The following GUCY1B1 variants were observed in gnomAD, a reference collection of about 807,000 sequenced individuals.
GUCY1B1 encodes the protein guanylate cyclase 1 soluble subunit beta 1.
In GUCY1B1, 43 loss-of-function variants were observed where a neutral mutation model predicts 71.0. The ratio of observed to expected loss-of-function variants is 0.61; its 90% CI spans 0.47 to 0.78. The LOEUF is 0.78. Ranked by LOEUF, GUCY1B1 falls within the 30% of genes least tolerant of loss-of-function variation. The probability of loss-of-function intolerance (pLI) is 0.00; values close to 1 mark genes in which losing one functional copy is unlikely to be tolerated. For synonymous variants in GUCY1B1, 266 were observed against 259.7 expected (o/e 1.02, Z -0.23); for missense variants, 535 against 754.1 (o/e 0.71, Z 3.40).
intron 5 of GUCY1B1, among the ~76,000 whole-genome samples, chr4:155,790,928 C>T (rs931908167): frequency 1.3e-5 from 2 of 152,092 alleles, no homozygotes; most frequent in Non-Finnish European, 2.9e-5. Flanking sequence ...TAGTTTTCTA[C>T]AACCATTAGT....
chr4:155,760,176 C>G (rs1156322705), intron 2 of GUCY1B1, among the ~76,000 whole-genome samples: 1 of 152,140 alleles, frequency 6.6e-6, no homozygotes, highest in Non-Finnish European at 1.5e-5. Flanking sequence ...GGCCGGGCAG[C>G]TCCCACGCGT....
chr4:155,761,595 A>G (rs1183116812), intron 2 of GUCY1B1, among the ~76,000 whole-genome samples: 1 of 152,246 alleles, frequency 6.6e-6, no homozygotes, highest in Non-Finnish European at 1.5e-5. Context: ...GTAATGTATC[A>G]GACATTTTAA....
Position 155,759,870 on chromosome 4 carries a change from C to T in GUCY1B1, c.77+10C>T, listed in dbSNP as rs1736847418. 1.2e-6 allele frequency: 2 copies of T among 1,606,172 alleles called. No individual in the cohort carries two copies. The highest frequency in any genetic ancestry group is 2.7e-5 in the African/African-American group (2 of 74,722). Reference sequence around the variant, plus strand: ...TGTGGGAAGACATCAAGTAAGTGGCCGGCTACCCTGGCTGTGGCCCAGGTC... The same window carrying T: ...TGTGGGAAGACATCAAGTAAGTGGCTGGCTACCCTGGCTGTGGCCCAGGTC... On this transcript the variant is annotated intron_variant, in intron 2 of 13. Transcript: ENST00000264424.
intron 6 of GUCY1B1, 77 bp from the exon 7 acceptor site, chr4:155,795,264 T>C: frequency 1.4e-6 from 1 of 689,888 alleles, no homozygotes; most frequent in Non-Finnish European, 2.5e-6. Context: ...TGAGCTGATT[T>C]AATCAAGCGA....
At chr4:155,800,100 AC>A (rs751680775) in intron 9 of GUCY1B1, 26 bp downstream of exon 9, 1 of 1,481,560 alleles carries the variant, frequency 6.7e-7, no homozygotes, top group Non-Finnish European at 9.3e-7. Context: ...TTGGAGCACT[AC>A]TGTTATTCAT....
chr4:155,804,954 T>C, intron 12 of GUCY1B1, 149 bp from the exon 13 acceptor site: 1 of 764,108 alleles, frequency 1.3e-6, no homozygotes, highest in African/African-American at 1.8e-5. Context: ...GAAATCCTGA[T>C]ATGATCATTG....
intron 2 of GUCY1B1, among the ~76,000 whole-genome samples, chr4:155,771,938 C>T (rs1283697821): frequency 6.6e-6 from 1 of 152,106 alleles, no homozygotes; most frequent in Non-Finnish European, 1.5e-5. Flanking sequence ...TATATTCAAG[C>T]ATGAACAACT....
At chr4:155,804,835 TAACA>T in intron 12 of GUCY1B1, 88 bp downstream of exon 12, 1 of 1,196,804 alleles carries the variant, frequency 8.4e-7, no homozygotes, top group South Asian at 1.4e-5. Context: ...TTTGTTGCTT[TAACA>T]GAGTTATCAC....
intron 11 of GUCY1B1, among the ~76,000 whole-genome samples, chr4:155,804,104 A>C (rs957642259): frequency 4.1e-4 from 62 of 152,248 alleles, no homozygotes; most frequent in Admixed American, 3.7e-3. Flanking sequence ...GTTTCTCTTG[A>C]GATAGGATAT....
intron 1 of GUCY1B1, 73 bp from the exon 2 acceptor site, chr4:155,759,714 A>T: frequency 9.4e-7 from 1 of 1,066,278 alleles, no homozygotes; most frequent in African/African-American, 1.6e-5. Context: ...GAGCAGAGGC[A>T]GCAGCCTCGC....
At position 155,802,096 on chromosome 4, in the gene GUCY1B1, T is replaced by G; in HGVS notation, c.1176-246T>G. The G allele has an allele frequency of 1.4e-6, 1 of 738,938 alleles. No homozygotes were observed. Among genetic ancestry groups the G allele is most frequent in the Non-Finnish European group, 2.1e-6 (1 of 470,030 alleles). 45.8% of individuals were successfully genotyped at this position (738,938 alleles called of 1,614,324 possible). A position where few individuals can be genotyped will look rare whatever the true frequency, so the allele number is the denominator to read the frequency against. The stretch of plus-strand genomic sequence containing the variant: ...TGTCTGTTTGCTTGGCTTATTTTGA[T>G]TTGGTTTGAACTAGTTTGGGCTTGC... On this transcript the variant is annotated intron_variant, in intron 9 of 13. Coordinates refer to ENST00000264424, the MANE Select transcript of GUCY1B1 (RefSeq NM_000857.5). This position sits in a 1 kb window ranked among gnomAD's most constrained non-coding sequence, Gnocchi z 4.3.
At chr4:155,775,842 G>C in intron 3 of GUCY1B1, among the ~76,000 whole-genome samples, 1 of 141,470 alleles carries the variant, frequency 7.1e-6, no homozygotes, top group African/African-American at 3.2e-5. Context: ...TCATGGAGAA[G>C]AAGTTGTTCT....
Position 155,806,771 on chromosome 4 carries a change from G to A in GUCY1B1, c.*362G>A, listed in dbSNP as rs1304319634. 1 of 208,578 alleles carries A rather than the reference G, an allele frequency of 4.8e-6. No individual in the cohort carries two copies. The highest frequency in any genetic ancestry group is 1.1e-4 in the East Asian group (1 of 9,262). 12.9% of individuals were successfully genotyped at this position (208,578 alleles called of 1,614,324 possible). A position where few individuals can be genotyped will look rare whatever the true frequency, so the allele number is the denominator to read the frequency against. On this transcript the variant is annotated 3_prime_UTR_variant, in exon 14 of 14. Transcript: ENST00000264424. ...GAAACTGAACAGTGTTTGGCCATGT[G>A]TATATTTATATCATGTTTACCAAAT...
intron 4 of GUCY1B1, among the ~76,000 whole-genome samples, chr4:155,778,328 A>G (rs1738194818): frequency 6.6e-6 from 1 of 152,210 alleles, no homozygotes; most frequent in Non-Finnish European, 1.5e-5. Context: ...TTCTGGATTG[A>G]CTATACTATT....
chr4:155,789,587 T>C (rs1436316181), intron 4 of GUCY1B1, 127 bp from the exon 5 acceptor site: 8 of 567,860 alleles, frequency 1.4e-5, no homozygotes, highest in Non-Finnish European at 2.5e-5. Context: ...AAGGATGTGC[T>C]ACATGTGCTG....
At chr4:155,805,967 T>G (rs1396482571) in intron 13 of GUCY1B1, among the ~76,000 whole-genome samples, 1 of 152,142 alleles carries the variant, frequency 6.6e-6, no homozygotes, top group Non-Finnish European at 1.5e-5. Context: ...AGTTTGATAC[T>G]TTGTTACCCT....
chr4:155,803,676 G>A lies in GUCY1B1; in HGVS notation c.1466G>A (p.Cys489Tyr), dbSNP rs773831619. The change falls in exon 11 of 14, where the codon TGC becomes TAC. Residue 489 changes from cysteine to tyrosine, a missense_variant. Physicochemically the swap from Cys to Tyr is radical, Grantham distance 194. Transcript: ENST00000264424. ...YMTVSGLPEPCIHHARSICHL... is the reference protein window; with the variant it reads ...YMTVSGLPEPYIHHARSICHL... ...ACAGTGAGTGGTTTACCAGAGCCAT[G>A]CATTCACCATGCACGATCCATCTGC... 1.9e-6 allele frequency: 3 copies of A among 1,605,690 alleles called. No homozygotes were observed. Among genetic ancestry groups the A allele is most frequent in the Admixed American group, 3.4e-5 (2 of 59,050 alleles).
At chr4:155,772,255 T>A (rs974431690) in intron 2 of GUCY1B1, among the ~76,000 whole-genome samples, 1 of 152,180 alleles carries the variant, frequency 6.6e-6, no homozygotes, top group African/African-American at 2.4e-5. Context: ...AGTGCTATAA[T>A]TGTTTGAGTA....
In GUCY1B1 at chr4:155,804,654, G is replaced by A. The variant is rs1477623895; in HGVS notation, c.1616G>A (p.Arg539Gln). ...GGTGTCATAGGACAGCGGATGCCTC[G>A]ATACTGTCTTTTTGGGAATACTGTC... The part of the protein sequence containing the change: ...VTGVIGQRMP[R>Q]YCLFGNTVNL... The change falls in exon 12 of 14, where the codon CGA becomes CAA. Residue 539 changes from arginine to glutamine, a missense_variant. Arg to Gln is a conservative substitution (Grantham distance 43). Coordinates refer to ENST00000264424, the MANE Select transcript of GUCY1B1 (RefSeq NM_000857.5). 3 of 1,612,486 alleles carry A rather than the reference G, an allele frequency of 1.9e-6. No homozygotes were observed. Among genetic ancestry groups the A allele is most frequent in the Non-Finnish European group, 8.5e-7 (1 of 1,178,686 alleles).
Sources: allele counts gnomAD v4.1 joint callset (sites outside exome capture counted in the v4.1 genomes callset), GRCh38; gene constraint gnomAD v4.1.1; non-coding constraint Gnocchi (gnomAD v3.1); transcripts MANE v1.5; gene names NCBI Gene and HGNC (gene_info 2026-07-23, HGNC 2026-07-21).